The following TAF5 variants were observed in gnomAD, a reference collection of about 807,000 sequenced individuals.
The protein encoded by TAF5 is TATA-box binding protein associated factor 5.
A neutral mutation model predicts 80.9 loss-of-function variants in TAF5; 20 were observed. The ratio of observed to expected loss-of-function variants is 0.25; its 90% CI spans 0.17 to 0.36. The LOEUF (loss-of-function observed/expected upper bound fraction) is 0.36, where lower values mean the gene tolerates loss of function less well. Ranked by LOEUF, TAF5 falls within the 10% of genes least tolerant of loss-of-function variation. The pLI is 1.00. For synonymous variants in TAF5, 388 were observed against 406.4 expected, an observed-to-expected ratio of 0.95 and a Z score of 0.55; for missense variants, 863 against 1,029.4, an observed-to-expected ratio of 0.84 and a Z score of 2.21.
At position 103,389,015 on chromosome 10, in the gene TAF5, A is replaced by G. The variant is rs1256553330; in HGVS notation, c.*792A>G. 6.6e-6 allele frequency: 1 copy of G among 152,634 alleles called. No individual in the cohort carries two copies. Among genetic ancestry groups the G allele is most frequent in the Non-Finnish European group, 1.5e-5 (1 of 68,032 alleles). 9.5% of individuals were successfully genotyped at this position (152,634 alleles called of 1,614,324 possible). A position where few individuals can be genotyped will look rare whatever the true frequency, so the allele number is the denominator to read the frequency against. The stretch of plus-strand genomic sequence containing the variant: ...CTTTGTTGCATTTTGTACAGTTTTT[A>G]TATTTTTGATATCTTGTAAATAAAG... On this transcript the variant is annotated 3_prime_UTR_variant, in exon 11 of 11. Transcript: ENST00000369839.
intron 1 of TAF5, among the ~76,000 whole-genome samples, chr10:103,370,548 C>T (rs1024283063): frequency 6.6e-6 from 1 of 151,836 alleles, no homozygotes; most frequent in East Asian, 2.0e-4. Context: ...AGGATGGTCT[C>T]GATCTCCTGA....
At position 103,373,489 on chromosome 10, in the gene TAF5, T is replaced by G; in HGVS notation, c.691T>G (p.Cys231Gly). ...LKHFIECSLDCHRAELSQLFY... is the reference protein window; with the variant it reads ...LKHFIECSLDGHRAELSQLFY... ...ACACTTCATTGAATGTTCCCTGGAC[T>G]GCCATCGGGCAGAGTTGTCCCAACT... The change falls in exon 2 of 11, where the codon TGC becomes GGC. Residue 231 changes from cysteine to glycine, a missense_variant. Cys to Gly is a radical substitution (Grantham distance 159). Coordinates refer to ENST00000369839, the MANE Select transcript of TAF5 (RefSeq NM_006951.5). 1 of 1,614,266 alleles carries G rather than the reference T, an allele frequency of 6.2e-7. No individual in the cohort carries two copies.
At chr10:103,372,491 C>T (rs1380670462) in intron 1 of TAF5, among the ~76,000 whole-genome samples, 21 of 150,474 alleles carry the variant, frequency 1.4e-4, no homozygotes, top group African/African-American at 4.6e-4. Flanking sequence ...CCCACTACCA[C>T]GCCTGGCTAA....
chr10:103,373,287 T>C (rs2133624864), intron 1 of TAF5, 71 bp from the exon 2 acceptor site: 1 of 1,274,026 alleles, frequency 7.8e-7, no homozygotes, highest in Non-Finnish European at 1.1e-6. Flanking sequence ...ACCTGTGGGC[T>C]TTAACAATAC....
In TAF5 at chr10:103,381,820, C is replaced by T. The variant is rs376105757; in HGVS notation, c.1513C>T (p.Arg505Cys). 6.2e-5 allele frequency: 100 copies of T among 1,614,036 alleles called. No individual in the cohort carries two copies. Among genetic ancestry groups the T allele is most frequent in the Non-Finnish European group, 7.5e-5 (89 of 1,180,026 alleles). The change falls in exon 6 of 11, where the codon CGT becomes TGT. Residue 505 changes from arginine (R) to cysteine (C), a missense_variant. Physicochemically the swap from Arg to Cys is radical, Grantham distance 180. Coordinates refer to ENST00000369839, the MANE Select transcript of TAF5 (RefSeq NM_006951.5). ...RVWSVTPKKLRSVKQASDLSL... is the reference protein window; with the variant it reads ...RVWSVTPKKLCSVKQASDLSL... ...GTGGTCGGTAACACCCAAAAAGCTT[C>T]GTAGTGTCAAACAAGCATCAGGTAA... is the stretch of plus-strand genomic sequence containing the variant.
chr10:103,368,372 C>T lies in TAF5; in HGVS notation c.383C>T (p.Ala128Val), dbSNP rs758386543. The T allele has an allele frequency of 1.3e-6, 2 of 1,563,026 alleles. No homozygotes were observed. Among genetic ancestry groups the T allele is most frequent in the Non-Finnish European group, 8.6e-7 (1 of 1,163,218 alleles). The change falls in exon 1 of 11, where the codon GCG becomes GTG. Residue 128 changes from alanine to valine, a missense_variant. By Grantham distance (64) the Ala-to-Val change is moderately conservative (BLOSUM62 0). Around this residue, in one of 3 missense-constraint regions of TAF5, gnomAD observed 367 missense variants for 335.5 expected, o/e 1.09. Coordinates refer to ENST00000369839, the MANE Select transcript of TAF5 (RefSeq NM_006951.5). ...GCCGGGCTGCTGGAGGAGGCAGTGGCGGGCTCCGGAGCCCCGGGAGAGGTG... is the reference window on the plus strand; with the variant it reads ...GCCGGGCTGCTGGAGGAGGCAGTGGTGGGCTCCGGAGCCCCGGGAGAGGTG... ...REAGLLEEAV[A>V]GSGAPGEVDS...
At chr10:103,383,832 C>CCTCCCAAAGTGCTGGGATTA (rs1411825849) in intron 7 of TAF5, among the ~76,000 whole-genome samples, 14 of 152,246 alleles carry the variant, frequency 9.2e-5, no homozygotes, top group Admixed American at 9.2e-4. Context: ...CCCACCTCAG[C>CCTCCCAAAGTGCTGGGATTA]CTCCCAAAGT....
chr10:103,373,623 T>TAC (rs756579549), intron 2 of TAF5, 28 bp downstream of exon 2: 59 of 1,458,838 alleles, frequency 4.0e-5, no homozygotes, highest in Middle Eastern at 1.7e-4. Flanking sequence ...TATATATATA[T>TAC]ACACACATAC....
In TAF5 at chr10:103,368,862, G is replaced by T. The variant is rs527851554; in HGVS notation, c.559+314G>T. Reference sequence around the variant, plus strand: ...GGGCTTTTGAGCCTTGGGCAGGTCCGCATGACACTAACAGTGTTTGTACAG... The same window carrying T: ...GGGCTTTTGAGCCTTGGGCAGGTCCTCATGACACTAACAGTGTTTGTACAG... On this transcript the variant is annotated intron_variant, in intron 1 of 10. Transcript: ENST00000369839. Among the ~76,000 whole-genome samples, 11 of 152,314 alleles carry T rather than the reference G, an allele frequency of 7.2e-5. No individual in the cohort carries two copies. The East Asian group carries it at 2.1e-3, about 29-fold the overall frequency.
intron 1 of TAF5, 78 bp from the exon 2 acceptor site, chr10:103,373,278 CCT>C (rs1264837103): frequency 2.8e-6 from 3 of 1,090,564 alleles, no homozygotes; most frequent in Non-Finnish European, 4.1e-6. Flanking sequence ...AAACAACTCA[CCT>C]GTGGGCTTTA....
At chr10:103,369,943 C>G (rs954582582) in intron 1 of TAF5, among the ~76,000 whole-genome samples, 3 of 151,950 alleles carry the variant, frequency 2.0e-5, no homozygotes, top group Middle Eastern at 3.4e-3. Flanking sequence ...TTTTTACCTT[C>G]GTATTGGCCG....
chr10:103,368,014 A>G lies in TAF5; in HGVS notation c.25A>G (p.Thr9Ala), dbSNP rs1288162929. The change falls in exon 1 of 11, where the codon ACG (threonine) becomes GCG (alanine). Residue 9 changes from threonine to alanine, a missense_variant. By Grantham distance (58) the Thr-to-Ala change is moderately conservative (BLOSUM62 0). Transcript: ENST00000369839. Reference sequence around the variant, plus strand: ...GATGGCGGCGCTGGCGGAGGAGCAGACGGAGGTGGCGGTCAAGCTAGAGCC... The same window carrying G: ...GATGGCGGCGCTGGCGGAGGAGCAGGCGGAGGTGGCGGTCAAGCTAGAGCC... Reference protein sequence around the residue: MAALAEEQTEVAVKLEPEG... With the variant: MAALAEEQAEVAVKLEPEG... The G allele has an allele frequency of 6.8e-6, 10 of 1,465,746 alleles. No homozygotes were observed. Among genetic ancestry groups the G allele is most frequent in the African/African-American group, 5.9e-5 (4 of 67,762 alleles). The allele number at this position is 1,465,746 out of a possible 1,614,324, so 90.8% of individuals were successfully genotyped here.
At chr10:103,371,237 C>T (rs570370977) in intron 1 of TAF5, among the ~76,000 whole-genome samples, 2 of 136,614 alleles carry the variant, frequency 1.5e-5, no homozygotes, top group African/African-American at 2.7e-5. Flanking sequence ...AGCAAAACTC[C>T]GTCTTTACAA....
chr10:103,368,580 G>T (rs1029229969), intron 1 of TAF5, 32 bp downstream of exon 1: 3 of 1,448,452 alleles, frequency 2.1e-6, no homozygotes, highest in Non-Finnish European at 1.8e-6. Flanking sequence ...AGGTACGGCC[G>T]CCGCGAAGGG....
intron 1 of TAF5, 128 bp from the exon 2 acceptor site, chr10:103,373,230 A>C: frequency 1.6e-6 from 1 of 643,388 alleles, no homozygotes; most frequent in Non-Finnish European, 2.7e-6. Context: ...GATTGTGTTG[A>C]GGAAGAGACA....
rs1049467829 is a variant in TAF5, at chr10:103,387,056, G to T, written c.1830-119G>T. ...TTCCCCTCAGTTAACTAGTAAGTGG[G>T]GGGCCCACTCAGAACTAACTTTTTA... On this transcript the variant is annotated intron_variant, in intron 8 of 10. Transcript: ENST00000369839. 52 of 905,414 alleles carry T rather than the reference G, an allele frequency of 5.7e-5. 1 individual carries two copies. The highest frequency in any genetic ancestry group is 5.8e-5 in the Admixed American group (2 of 34,404). The allele number at this position is 905,414 out of a possible 1,614,324, so 56.1% of individuals were successfully genotyped here. A position where few individuals can be genotyped will look rare whatever the true frequency, so the allele number is the denominator to read the frequency against.
chr10:103,375,803 A>C (rs376166789), intron 2 of TAF5, among the ~76,000 whole-genome samples: 1 of 152,036 alleles, frequency 6.6e-6, no homozygotes, highest in East Asian at 2.0e-4. Context: ...CATGCCTGTA[A>C]TCCCAGCACT....
intron 8 of TAF5, among the ~76,000 whole-genome samples, chr10:103,386,523 A>G (rs746239670): frequency 6.6e-6 from 1 of 152,124 alleles, no homozygotes; most frequent in African/African-American, 2.4e-5. Flanking sequence ...AAGAATATAC[A>G]GAGAATTGGA....
At position 103,368,526 on chromosome 10, in the gene TAF5, A is replaced by G. The variant is rs2093351095; in HGVS notation, c.537A>G (p.Ser179=). ...CCACGGTCGTCTCAGGTTCAGCCTC[A>G]GGTCCTGCGGCTCCGGGTAAAGGTG... is the stretch of plus-strand genomic sequence containing the variant. The part of the protein sequence containing the change: ...SGATVVSGSA[S]GPAAPGKVGS... The change falls in exon 1 of 11, where the codon TCA becomes TCG. Residue 179 remains serine (S), a synonymous_variant. Transcript: ENST00000369839. 4 of 1,543,426 alleles carry G rather than the reference A, an allele frequency of 2.6e-6. No individual in the cohort carries two copies. The highest frequency in any genetic ancestry group is 3.5e-6 in the Non-Finnish European group (4 of 1,154,306).
Sources: gnomAD v4.1 joint callset for allele counts (sites outside exome capture counted in the v4.1 genomes callset) on GRCh38, gnomAD v4.1.1 for gene constraint, gnomAD v4.1.1 regional missense constraint, MANE v1.5 for transcripts, NCBI Gene and HGNC (gene_info 2026-07-23, HGNC 2026-07-21) for gene names.